The following SCFD2 variants were observed in gnomAD, a reference collection of about 807,000 sequenced individuals.
SCFD2 encodes the protein sec1 family domain-containing protein 2.
SCFD2 carries 54 observed loss-of-function variants against 58.9 expected under a neutral mutation model. That is an observed-to-expected ratio of 0.92 (90% confidence interval 0.74 to 1.15). The LOEUF is 1.15. Among genes scored for constraint, SCFD2 ranks in the 50% most tolerant of loss-of-function variants. The pLI is 0.00. For missense variants in SCFD2, 805 were observed against 836.6 expected, an observed-to-expected ratio of 0.96 and a Z score of 0.47; for synonymous variants, 321 against 335.9, an observed-to-expected ratio of 0.96 and a Z score of 0.49.
chr4:53,198,523 T>C (rs1472121580), intron 4 of SCFD2, among the ~76,000 whole-genome samples: 2 of 152,136 alleles, frequency 1.3e-5, no homozygotes, highest in African/African-American at 4.8e-5. Context: ...GTAATCATGT[T>C]TAAATGCTAT....
chr4:53,148,619 T>C (rs1357620870), intron 4 of SCFD2, among the ~76,000 whole-genome samples: 4 of 152,214 alleles, frequency 2.6e-5, no homozygotes, highest in Non-Finnish European at 5.9e-5. Context: ...CAGGTCTCCA[T>C]TTTCACTTTC....
intron 4 of SCFD2, among the ~76,000 whole-genome samples, chr4:53,184,864 T>G (rs1178236804): frequency 6.6e-6 from 1 of 152,138 alleles, no homozygotes. Flanking sequence ...GAAACAATCT[T>G]TCTACCAGCT....
At chr4:53,055,483 C>G (rs772714512) in intron 5 of SCFD2, among the ~76,000 whole-genome samples, 1 of 152,000 alleles carries the variant, frequency 6.6e-6, no homozygotes, top group Non-Finnish European at 1.5e-5. Context: ...TGGAAAGTTG[C>G]CTAAAAACAG....
intron 4 of SCFD2, among the ~76,000 whole-genome samples, chr4:53,196,608 T>G (rs1384730239): frequency 6.6e-6 from 1 of 152,148 alleles, no homozygotes; most frequent in Non-Finnish European, 1.5e-5. Context: ...CAGGGAGATT[T>G]TACACAGTGG....
At chr4:52,900,926 G>A (rs893198811) in intron 7 of SCFD2, among the ~76,000 whole-genome samples, 8 of 152,212 alleles carry the variant, frequency 5.3e-5, no homozygotes, top group East Asian at 3.9e-4. Flanking sequence ...CTCCGCGGGC[G>A]CAGGACCCTC....
intron 7 of SCFD2, among the ~76,000 whole-genome samples, chr4:52,894,614 T>A (rs1038645440): frequency 2.0e-5 from 3 of 152,242 alleles, no homozygotes; most frequent in Non-Finnish European, 4.4e-5. Flanking sequence ...AAAAGGCTGT[T>A]TGAAGAATGT....
At chr4:53,029,860 A>T (rs1233970440) in intron 5 of SCFD2, among the ~76,000 whole-genome samples, 1 of 152,228 alleles carries the variant, frequency 6.6e-6, no homozygotes, top group Non-Finnish European at 1.5e-5. Context: ...TTAAAGGTAA[A>T]ATTATAAAAC....
At chr4:53,279,923 A>G (rs1731453928) in intron 3 of SCFD2, among the ~76,000 whole-genome samples, 2 of 152,202 alleles carry the variant, frequency 1.3e-5, no homozygotes, top group African/African-American at 2.4e-5. Context: ...AACTGCCCCC[A>G]TGATACAATT....
intron 5 of SCFD2, among the ~76,000 whole-genome samples, chr4:53,107,492 CA>C (rs1725039470): frequency 1.3e-5 from 2 of 152,010 alleles, no homozygotes; most frequent in African/African-American, 4.8e-5. Context: ...ACCTCATGTG[CA>C]AAGACACTCA....
chr4:52,881,928 G>A (rs1718621326), intron 8 of SCFD2, among the ~76,000 whole-genome samples: 1 of 152,150 alleles, frequency 6.6e-6, no homozygotes, highest in African/African-American at 2.4e-5. Flanking sequence ...TCCTGAGGCT[G>A]GAGGGGCATA....
At chr4:53,309,555 G>C (rs1025912057) in intron 3 of SCFD2, among the ~76,000 whole-genome samples, 4 of 152,114 alleles carry the variant, frequency 2.6e-5, no homozygotes, top group African/African-American at 9.7e-5. Flanking sequence ...CAGGAGGAAT[G>C]AACAGAGTCA....
chr4:53,151,839 G>A lies in SCFD2; in HGVS notation c.1312-6257C>T, dbSNP rs1243923149. 3.9e-5 allele frequency among the ~76,000 whole-genome samples: 6 copies of A among 152,330 alleles called. No individual in the cohort carries two copies. In the East Asian group the frequency reaches 9.6e-4, roughly 24 times the overall value. On this transcript the variant is annotated intron_variant, in intron 4 of 8. Transcript: ENST00000401642. Reference sequence around the variant, plus strand: ...TTAGCATCTCTTGGCTTCTGGTAAGGCCCCAGGAATCTTCAATCACAAAGG... The same window carrying A: ...TTAGCATCTCTTGGCTTCTGGTAAGACCCCAGGAATCTTCAATCACAAAGG...
At chr4:53,175,069 A>T (rs1727289129) in intron 4 of SCFD2, among the ~76,000 whole-genome samples, 1 of 152,132 alleles carries the variant, frequency 6.6e-6, no homozygotes, top group Non-Finnish European at 1.5e-5. Flanking sequence ...CTCCCCCCAC[A>T]ATGGCTGCAT....
chr4:53,314,521 A>G (rs562763989), intron 2 of SCFD2, among the ~76,000 whole-genome samples: 1 of 152,344 alleles, frequency 6.6e-6, no homozygotes, highest in East Asian at 1.9e-4. Context: ...AAGTATACAC[A>G]TTTGTAGTAA....
At chr4:53,111,828 C>T (rs1725181822) in intron 5 of SCFD2, among the ~76,000 whole-genome samples, 1 of 152,096 alleles carries the variant, frequency 6.6e-6, no homozygotes, top group Non-Finnish European at 1.5e-5. Flanking sequence ...TAAGATAAAA[C>T]ATCATTCATT....
intron 2 of SCFD2, among the ~76,000 whole-genome samples, chr4:53,324,592 A>T (rs1374640449): frequency 6.6e-6 from 1 of 152,266 alleles, no homozygotes; most frequent in African/African-American, 2.4e-5. Context: ...CAAGGGAAAA[A>T]CACAGGCTCA....
chr4:53,018,700 A>C (rs893255562), intron 5 of SCFD2, among the ~76,000 whole-genome samples: 4 of 152,178 alleles, frequency 2.6e-5, no homozygotes, highest in Non-Finnish European at 5.9e-5. Context: ...CCTGAAGACC[A>C]AACACAACCC....
intron 5 of SCFD2, among the ~76,000 whole-genome samples, chr4:52,979,231 ACACCAGCGGTG>A (rs1255049745): frequency 6.6e-6 from 1 of 152,140 alleles, no homozygotes; most frequent in African/African-American, 2.4e-5. Flanking sequence ...TGTGAATAAT[ACACCAGCGGTG>A]CAGGTTTTCT....
chr4:53,254,378 G>A (rs1363294130), intron 4 of SCFD2, among the ~76,000 whole-genome samples: 2 of 152,114 alleles, frequency 1.3e-5, no homozygotes, highest in African/African-American at 4.8e-5. Flanking sequence ...CTGCCACCCT[G>A]TGAAGAAGAT....
Sources: gnomAD v4.1 joint callset for allele counts (sites outside exome capture counted in the v4.1 genomes callset) on GRCh38, gnomAD v4.1.1 for gene constraint, MANE v1.5 for transcripts, NCBI Gene and HGNC (gene_info 2026-07-23, HGNC 2026-07-21) for gene names.